The following ZC3H12B variants were observed in gnomAD, a reference collection of about 807,000 sequenced individuals.
The protein encoded by ZC3H12B is zinc finger CCCH-type containing 12B.
A neutral mutation model predicts 43.9 loss-of-function variants in ZC3H12B; 7 were observed. The observed-to-expected ratio is 0.16, with a 90% CI of 0.09 to 0.30. The LOEUF (loss-of-function observed/expected upper bound fraction) is 0.30, where lower values mean the gene tolerates loss of function less well. ZC3H12B is among the 10% of genes least tolerant of loss of function. ZC3H12B has a pLI of 1.00. For missense variants in ZC3H12B, 475 were observed against 670.2 expected (o/e 0.71, Z 3.22); for synonymous variants, 222 against 241.7 (o/e 0.92, Z 0.76).
At chrX:65,144,963 T>A in the ZC3H12B span, among the ~76,000 whole-genome samples, 1,461 of 112,131 alleles carry the variant, frequency 0.013, 21 homozygotes, top group African/African-American at 0.045. Flanking sequence ...AATACAATGT[T>A]CTGTATTTGT....
At chrX:65,368,331 A>G (rs1428556020) in intron 1 of ZC3H12B, among the ~76,000 whole-genome samples, 4 of 111,423 alleles carry the variant, frequency 3.6e-5, no homozygotes, top group Non-Finnish European at 7.5e-5. Context: ...GTCTTTTAAG[A>G]TTTATGATCT....
the ZC3H12B span, among the ~76,000 whole-genome samples, chrX:65,049,777 A>G: frequency 8.9e-6 from 1 of 111,776 alleles, no homozygotes; most frequent in Non-Finnish European, 1.9e-5. Context: ...ACATTTTAAC[A>G]TTATTAAGTC....
At chrX:65,074,578 T>C in the ZC3H12B span, among the ~76,000 whole-genome samples, 1 of 112,183 alleles carries the variant, frequency 8.9e-6, no homozygotes, top group Non-Finnish European at 1.9e-5. Flanking sequence ...ATGTCTCTTC[T>C]TTTTCTTTTA....
chrX:65,283,731 A>T, the ZC3H12B span, among the ~76,000 whole-genome samples: 1 of 111,241 alleles, frequency 9.0e-6, no homozygotes, highest in Non-Finnish European at 1.9e-5. Flanking sequence ...GAAAGGTGTC[A>T]TTTTCAAAAG....
the ZC3H12B span, among the ~76,000 whole-genome samples, chrX:65,346,526 A>G: frequency 6.2e-4 from 70 of 112,128 alleles, no homozygotes; most frequent in African/African-American, 2.2e-3. Flanking sequence ...AAAATCCTAG[A>G]AAAAAACCCC....
chrX:65,215,363 C>G, the ZC3H12B span, among the ~76,000 whole-genome samples: 1 of 111,716 alleles, frequency 9.0e-6, no homozygotes, highest in African/African-American at 3.2e-5. Context: ...CCACCATCAT[C>G]TATTATCTTA....
At chrX:65,431,864 A>C (rs1325197709) in intron 3 of ZC3H12B, among the ~76,000 whole-genome samples, 1 of 112,206 alleles carries the variant, frequency 8.9e-6, no homozygotes, top group Non-Finnish European at 1.9e-5. Flanking sequence ...TGCTGTGTCT[A>C]AGTTTCTGCC....
chrX:65,052,033 A>T, the ZC3H12B span, among the ~76,000 whole-genome samples: 3 of 110,965 alleles, frequency 2.7e-5, no homozygotes, highest in African/African-American at 9.8e-5. Context: ...GAAGTGTAAA[A>T]CTTGTGACCC....
At chrX:65,047,043 A>C in the ZC3H12B span, among the ~76,000 whole-genome samples, 1 of 110,918 alleles carries the variant, frequency 9.0e-6, no homozygotes, top group Non-Finnish European at 1.9e-5. Flanking sequence ...CACTGATCAC[A>C]GATCACCATA....
intron 3 of ZC3H12B, among the ~76,000 whole-genome samples, chrX:65,418,687 G>C (rs2066987106): frequency 9.0e-6 from 1 of 111,725 alleles, no homozygotes; most frequent in Non-Finnish European, 1.9e-5. Context: ...TACTCGATCT[G>C]TATAAGCAGG....
the ZC3H12B span, among the ~76,000 whole-genome samples, chrX:65,349,274 A>T: frequency 8.9e-6 from 1 of 111,939 alleles, no homozygotes; most frequent in Non-Finnish European, 1.9e-5. Flanking sequence ...CTCCTGGGTA[A>T]ATAACAAAAT....
chrX:65,363,575 C>A (rs2066132434), upstream of ZC3H12B, among the ~76,000 whole-genome samples: 1 of 111,795 alleles, frequency 8.9e-6, no homozygotes, highest in South Asian at 3.7e-4. Context: ...TTGAAGACAG[C>A]TTTAGAGACT....
chrX:65,115,207 C>A, the ZC3H12B span, among the ~76,000 whole-genome samples: 1 of 108,025 alleles, frequency 9.3e-6, no homozygotes, highest in African/African-American at 3.4e-5. Flanking sequence ...CGCCACCCCC[C>A]ACCCTTTTAC....
At chrX:65,175,869 G>A in the ZC3H12B span, among the ~76,000 whole-genome samples, 6 of 112,346 alleles carry the variant, frequency 5.3e-5, no homozygotes, top group African/African-American at 6.5e-5. Flanking sequence ...AAGATACTAC[G>A]CTTTACCCAC....
the ZC3H12B span, among the ~76,000 whole-genome samples, chrX:65,338,628 A>G: frequency 1.8e-5 from 2 of 112,405 alleles, no homozygotes; most frequent in African/African-American, 6.5e-5. Flanking sequence ...AATACTAGCA[A>G]TCTGAATCTG....
chrX:65,163,474 A>G, the ZC3H12B span, among the ~76,000 whole-genome samples: 26,578 of 110,581 alleles, frequency 0.24, 7,702 homozygotes, highest in African/African-American at 0.83. Context: ...CTGAGCAATG[A>G]CATGCACCCC....
chrX:65,095,531 C>A, the ZC3H12B span, among the ~76,000 whole-genome samples: 5 of 111,231 alleles, frequency 4.5e-5, no homozygotes, highest in Admixed American at 4.8e-4. Context: ...CTGTAGGAAC[C>A]AGTACTGGGT....
At chrX:65,242,284 G>A in the ZC3H12B span, among the ~76,000 whole-genome samples, 1 of 111,532 alleles carries the variant, frequency 9.0e-6, no homozygotes, top group Non-Finnish European at 1.9e-5. Context: ...AGCTGCGGAC[G>A]GCAATTGCTT....
chrX:65,392,276 T>C (rs780712103), intron 2 of ZC3H12B, among the ~76,000 whole-genome samples: 1 of 109,019 alleles, frequency 9.2e-6, no homozygotes, highest in African/African-American at 3.4e-5. Context: ...GTCTGGGAAA[T>C]GAGGAGTGCC....
Sources: gnomAD v4.1 joint callset for allele counts (sites outside exome capture counted in the v4.1 genomes callset) on GRCh38, gnomAD v4.1.1 for gene constraint, MANE v1.5 for transcripts, NCBI Gene and HGNC (gene_info 2026-07-23, HGNC 2026-07-21) for gene names.